TTLL11: variants seen among roughly 807,000 people sequenced by gnomAD.
The protein encoded by TTLL11 is tubulin polyglutamylase TTLL11.
In TTLL11, 42 loss-of-function variants were observed where a neutral mutation model predicts 51.7. The ratio of observed to expected loss-of-function variants is 0.81; its 90% CI spans 0.64 to 1.05. The LOEUF (loss-of-function observed/expected upper bound fraction) is 1.05. Among genes scored for constraint, TTLL11 ranks in the 50% least tolerant of loss-of-function variants. TTLL11 has a pLI of 0.00. For synonymous variants in TTLL11, 381 were observed against 383.5 expected (o/e 0.99, Z 0.08); for missense variants, 799 against 940.4 (o/e 0.85, Z 1.97).
In TTLL11 at chr9:121,817,199, A is replaced by G. The variant is rs1268985192; in HGVS notation, c.*5388T>C. ...AGCTATTCTGGAGGGACACTCTGCC[A>G]ATCACAAGGCACATTCCGGGTGTCA... On this transcript the variant is annotated 3_prime_UTR_variant, in exon 9 of 9. Transcript: ENST00000321582. The G allele has an allele frequency of 6.6e-6, 1 of 152,236 alleles. No individual in the cohort carries two copies. The highest frequency in any genetic ancestry group is 2.4e-5 in the African/African-American group (1 of 41,446). 9.4% of individuals were successfully genotyped at this position (152,236 alleles called of 1,614,324 possible).
intron 3 of TTLL11, among the ~76,000 whole-genome samples, chr9:122,001,842 A>G (rs1276027590): frequency 6.6e-6 from 1 of 152,162 alleles, no homozygotes. Flanking sequence ...TGAGAACAAG[A>G]TCTGCTGCAA....
At chr9:122,000,264 G>A (rs371444509) in intron 3 of TTLL11, among the ~76,000 whole-genome samples, 169 of 152,148 alleles carry the variant, frequency 1.1e-3, no homozygotes, top group African/African-American at 4.0e-3. Context: ...GAGGTCAGGA[G>A]ATGAAGACCA....
At chr9:122,087,266 G>C (rs369647059) in intron 1 of TTLL11, among the ~76,000 whole-genome samples, 44 of 152,048 alleles carry the variant, frequency 2.9e-4, no homozygotes, top group African/African-American at 1.0e-3. Context: ...CTGAAGTGCA[G>C]TGGTGCGATT....
intron 1 of TTLL11, among the ~76,000 whole-genome samples, chr9:122,046,963 G>T (rs1290581974): frequency 6.6e-6 from 1 of 152,168 alleles, no homozygotes; most frequent in Non-Finnish European, 1.5e-5. Flanking sequence ...CAACACAATG[G>T]GAAATGTCTG....
At chr9:121,905,852 T>C (rs1839926821) in intron 6 of TTLL11, among the ~76,000 whole-genome samples, 2 of 152,168 alleles carry the variant, frequency 1.3e-5, no homozygotes, top group South Asian at 4.1e-4. Flanking sequence ...TTCCTAGAAG[T>C]GAAATTTCTA....
Position 121,989,156 on chromosome 9 carries a change from C to A in TTLL11, c.1269+39G>T. 6.2e-7 allele frequency: 1 copy of A among 1,605,250 alleles called. No individual in the cohort carries two copies. The highest frequency in any genetic ancestry group is 1.1e-5 in the South Asian group (1 of 89,200). ...GCCAGAGAGCCCTCTTGAGGCCGGT[C>A]AAGGCTGGAAACGCAGGCTGGGAAC... On this transcript the variant is annotated intron_variant, in intron 4 of 8. Transcript: ENST00000321582. The surrounding 1 kb of genome is among the most constrained non-coding windows in gnomAD (Gnocchi z 4.2).
At chr9:121,824,632 C>T (rs1344374668) in intron 8 of TTLL11, among the ~76,000 whole-genome samples, 1 of 152,130 alleles carries the variant, frequency 6.6e-6, no homozygotes, top group Non-Finnish European at 1.5e-5. Flanking sequence ...AAAGTTTCAA[C>T]TGCCTGAAAG....
chr9:122,031,966 G>T (rs1844565639), intron 2 of TTLL11, 110 bp from the exon 3 acceptor site: 1 of 1,435,594 alleles, frequency 7.0e-7, no homozygotes, highest in Non-Finnish European at 9.3e-7. Flanking sequence ...TCTTTTTCAG[G>T]CAGGATTTTT....
chr9:121,955,362 G>A (rs996541662), intron 6 of TTLL11, among the ~76,000 whole-genome samples: 2 of 152,066 alleles, frequency 1.3e-5, no homozygotes, highest in African/African-American at 4.8e-5. Flanking sequence ...TTGTTAAATG[G>A]CAATAGGCTC....
intron 7 of TTLL11, among the ~76,000 whole-genome samples, chr9:121,862,551 G>A (rs1275779222): frequency 5.9e-5 from 9 of 152,124 alleles, no homozygotes; most frequent in Admixed American, 3.9e-4. Flanking sequence ...GACCCTGCCC[G>A]TTCTGGAGAA....
intron 6 of TTLL11, among the ~76,000 whole-genome samples, chr9:121,963,158 C>A (rs987409285): frequency 1.3e-5 from 2 of 152,202 alleles, no homozygotes; most frequent in African/African-American, 4.8e-5. Flanking sequence ...GCAGATCCTA[C>A]GTGAGGACTA....
chr9:121,840,172 T>C (rs1165920816), intron 8 of TTLL11, among the ~76,000 whole-genome samples: 1 of 152,210 alleles, frequency 6.6e-6, no homozygotes, highest in African/African-American at 2.4e-5. Context: ...TTTCTTTCAC[T>C]GTATTCATGC....
chr9:121,962,084 T>C (rs189409267), intron 6 of TTLL11, among the ~76,000 whole-genome samples: 83 of 152,016 alleles, frequency 5.5e-4, no homozygotes, highest in African/African-American at 1.8e-3. Context: ...AAAAACAGCA[T>C]ACCAAAATTA....
chr9:122,073,899 G>T (rs1385190593), intron 1 of TTLL11, among the ~76,000 whole-genome samples: 1 of 152,172 alleles, frequency 6.6e-6, no homozygotes, highest in Non-Finnish European at 1.5e-5. Flanking sequence ...GCCCACAGTG[G>T]ACTCATCAGC....
intron 6 of TTLL11, among the ~76,000 whole-genome samples, chr9:121,900,277 G>A (rs61042275): frequency 0.33 from 49,686 of 152,098 alleles, 8,973 homozygotes; most frequent in East Asian, 0.5. Context: ...TAAGTTTTCA[G>A]TTATTTTCTC....
Position 122,018,568 on chromosome 9 carries a change from G to A in TTLL11, c.693+13155C>T, listed in dbSNP as rs1462292651. ...CTCACTGGATGCTCACTTGCTCTAA[G>A]GCTAGGATCACTTTCATATTCAAGA... On this transcript the variant is annotated intron_variant, in intron 3 of 8. Transcript: ENST00000321582. Among the ~76,000 whole-genome samples, 3 of 152,158 alleles carry A rather than the reference G, an allele frequency of 2.0e-5. No individual in the cohort carries two copies. In the East Asian group the frequency reaches 5.8e-4, roughly 29 times the overall value.
intron 6 of TTLL11, among the ~76,000 whole-genome samples, chr9:121,874,199 C>T (rs1032096967): frequency 1.3e-5 from 2 of 152,040 alleles, no homozygotes; most frequent in African/African-American, 2.4e-5. Flanking sequence ...GATAAGGTCT[C>T]GCTACATTGA....
At position 122,091,564 on chromosome 9, in the gene TTLL11, C is replaced by G. The variant is rs867411077; in HGVS notation, c.462+1123G>C. ...CACTTTTTCCTATTGGGACATCAAC[C>G]CTCTGACCACATCAGTCCTTTCTGT... On this transcript the variant is annotated intron_variant, in intron 1 of 8. Coordinates refer to ENST00000321582, the MANE Select transcript of TTLL11 (RefSeq NM_001139442.2). 5.3e-5 allele frequency among the ~76,000 whole-genome samples: 8 copies of G among 152,316 alleles called. No homozygotes were observed. The South Asian group carries it at 1.2e-3, about 24-fold the overall frequency.
In TTLL11 at chr9:122,092,717, C is replaced by A; in HGVS notation, c.432G>T (p.Lys144Asn). 3 of 1,537,862 alleles carry A rather than the reference C, an allele frequency of 2.0e-6. No individual in the cohort carries two copies. The highest frequency in any genetic ancestry group is 2.6e-6 in the Non-Finnish European group (3 of 1,147,194). The change falls in exon 1 of 9, where the codon AAG becomes AAT. Residue 144 changes from lysine to asparagine, a missense_variant. Physicochemically the swap from Lys to Asn is moderately conservative, Grantham distance 94. Coordinates refer to ENST00000321582, the MANE Select transcript of TTLL11 (RefSeq NM_001139442.2). ...SKARTSLDAL[K>N]ISIRQLKWKE... is the part of the protein sequence containing the mutation. ...TCCACTTGAGCTGGCGGATGCTGAT[C>A]TTCAGGGCATCCAGGGAGGTCCTGG... is the stretch of plus-strand genomic sequence containing the variant.
Sources: gnomAD v4.1 joint callset for allele counts (sites outside exome capture counted in the v4.1 genomes callset) on GRCh38, gnomAD v4.1.1 for gene constraint, Gnocchi (gnomAD v3.1) non-coding constraint, MANE v1.5 for transcripts, NCBI Gene and HGNC (gene_info 2026-07-23, HGNC 2026-07-21) for gene names.